PIAS2: variants seen among roughly 807,000 people sequenced by gnomAD.
PIAS2 encodes E3 SUMO-protein ligase PIAS2.
A neutral mutation model predicts 69.7 loss-of-function variants in PIAS2; 19 were observed. The observed-to-expected ratio is 0.27, with a 90% CI of 0.19 to 0.40. The LOEUF is 0.40. Among genes scored for constraint, PIAS2 ranks in the 10% least tolerant of loss-of-function variants. PIAS2 has a pLI of 1.00. For synonymous variants in PIAS2, 261 were observed against 263.2 expected, an observed-to-expected ratio of 0.99 and a Z score of 0.08; for missense variants, 624 against 757.0, an observed-to-expected ratio of 0.82 and a Z score of 2.06.
At chr18:46,855,511 C>T (rs2047606037) in intron 4 of PIAS2, 54 bp downstream of exon 4, 3 of 1,565,922 alleles carry the variant, frequency 1.9e-6, no homozygotes, top group East Asian at 2.2e-5. Flanking sequence ...TTCAGAACTA[C>T]ATGCACATAG....
intron 13 of PIAS2, among the ~76,000 whole-genome samples, chr18:46,815,027 A>G (rs1568336340): frequency 1.3e-5 from 2 of 152,324 alleles, no homozygotes; most frequent in South Asian, 4.1e-4. Flanking sequence ...GCCACCCAGC[A>G]CTGCTTCTAT....
chr18:46,854,048 C>G (rs1268583240), intron 5 of PIAS2, among the ~76,000 whole-genome samples: 3 of 152,194 alleles, frequency 2.0e-5, no homozygotes. Flanking sequence ...TTTAAAGGTT[C>G]ACAAAACAAG....
intron 2 of PIAS2, among the ~76,000 whole-genome samples, chr18:46,885,019 G>GT (rs1320545132): frequency 6.6e-6 from 1 of 152,004 alleles, no homozygotes; most frequent in African/African-American, 2.4e-5. Flanking sequence ...TTGCTAGTTT[G>GT]TTTTTAGATT....
rs890150039 is a variant in PIAS2 at position 46,888,409 on chromosome 18, G to A, written c.499+2171C>T. Among the ~76,000 whole-genome samples, 9 of 150,866 alleles carry A rather than the reference G, an allele frequency of 6.0e-5. No homozygotes were observed. In the South Asian group the frequency reaches 6.3e-4, roughly 11 times the overall value. ...TAGAAAAACTCATTCTAAAATTCAC[G>A]TGGAATCTCAAGGGCCCCAAATAGC... is the stretch of plus-strand genomic sequence containing the variant. On this transcript the variant is annotated intron_variant, in intron 2 of 13. Coordinates refer to ENST00000585916, the MANE Select transcript of PIAS2 (RefSeq NM_004671.5).
intron 8 of PIAS2, among the ~76,000 whole-genome samples, chr18:46,839,986 C>A (rs1227411107): frequency 6.6e-6 from 1 of 151,494 alleles, no homozygotes; most frequent in African/African-American, 2.4e-5. Context: ...CATGGTGAAA[C>A]CCCGTCTCTA....
At chr18:46,888,229 T>C (rs2053510682) in intron 2 of PIAS2, among the ~76,000 whole-genome samples, 1 of 152,132 alleles carries the variant, frequency 6.6e-6, no homozygotes, top group Admixed American at 6.5e-5. Context: ...ACACAGCTCA[T>C]GTTCATGTAC....
At chr18:46,879,962 T>C (rs185865585) in intron 2 of PIAS2, among the ~76,000 whole-genome samples, 41 of 152,122 alleles carry the variant, frequency 2.7e-4, no homozygotes, top group African/African-American at 8.4e-4. Context: ...TAAATGCATA[T>C]AGAGTTTCAG....
intron 8 of PIAS2, among the ~76,000 whole-genome samples, chr18:46,843,620 G>A (rs2045742355): frequency 6.6e-6 from 1 of 152,126 alleles, no homozygotes; most frequent in South Asian, 2.1e-4. Flanking sequence ...TATGTAAGGA[G>A]ATATAAAAGA....
intron 5 of PIAS2, among the ~76,000 whole-genome samples, chr18:46,852,024 A>C (rs935035414): frequency 6.6e-6 from 1 of 152,190 alleles, no homozygotes; most frequent in Non-Finnish European, 1.5e-5. Flanking sequence ...GATGCTTCTT[A>C]AAACTGGAAC....
At chr18:46,883,284 T>C (rs953304958) in intron 2 of PIAS2, among the ~76,000 whole-genome samples, 2 of 152,026 alleles carry the variant, frequency 1.3e-5, no homozygotes, top group African/African-American at 4.8e-5. Context: ...AATGAAGAAA[T>C]TAAGGAATCA....
intron 5 of PIAS2, among the ~76,000 whole-genome samples, chr18:46,847,299 G>A (rs1337220683): frequency 6.6e-6 from 1 of 152,102 alleles, no homozygotes; most frequent in African/African-American, 2.4e-5. Context: ...TTTAAAATCT[G>A]GTGAGTGATA....
rs539498379 is a variant in PIAS2 at position 46,886,470 on chromosome 18, C to T, written c.499+4110G>A. On this transcript the variant is annotated intron_variant, in intron 2 of 13. Coordinates refer to ENST00000585916, the MANE Select transcript of PIAS2 (RefSeq NM_004671.5). ...GAAATACGTTAACCAGATAAATCAA[C>T]TCTTTAAAAACAAGGCTAAAGATGA... Among the ~76,000 whole-genome samples the T allele has an allele frequency of 3.9e-5, 6 of 152,272 alleles. No individual in the cohort carries two copies. In the South Asian group the frequency reaches 1.2e-3, roughly 32 times the overall value.
chr18:46,862,334 CA>C (rs1004620845), intron 3 of PIAS2, among the ~76,000 whole-genome samples: 28 of 149,208 alleles, frequency 1.9e-4, no homozygotes, highest in African/African-American at 5.6e-4. Flanking sequence ...GACTCTGTCT[CA>C]AAAAAAAAAT....
intron 1 of PIAS2, among the ~76,000 whole-genome samples, chr18:46,895,103 A>C (rs1006198888): frequency 6.6e-5 from 10 of 151,962 alleles, no homozygotes; most frequent in Non-Finnish European, 1.2e-4. Flanking sequence ...ACCTCATCAA[A>C]CAGGTATACA....
chr18:46,862,126 T>A (rs1224417364), intron 3 of PIAS2, among the ~76,000 whole-genome samples: 2 of 151,164 alleles, frequency 1.3e-5, no homozygotes, highest in African/African-American at 4.9e-5. Flanking sequence ...AGGCCAGGAG[T>A]TCAAGACAAC....
chr18:46,803,546 A>G lies in PIAS2; in HGVS notation c.*8887T>C, dbSNP rs992245002. 3.7e-4 allele frequency: 56 copies of G among 152,106 alleles called. No individual in the cohort carries two copies. The highest frequency in any genetic ancestry group is 1.3e-3 in the African/African-American group (54 of 41,486). The allele number at this position is 152,106 out of a possible 1,614,324, so 9.4% of individuals were successfully genotyped here. A position where few individuals can be genotyped will look rare whatever the true frequency, so the allele number is the denominator to read the frequency against. On this transcript the variant is annotated 3_prime_UTR_variant, in exon 14 of 14. Transcript: ENST00000585916. ...ATAGTTTCAGTGCTACTACCCATCA[A>G]TTGGTAGGATATGTCTATAGCTTGT...
At chr18:46,897,264 C>T (rs902398362) in intron 1 of PIAS2, among the ~76,000 whole-genome samples, 1 of 152,144 alleles carries the variant, frequency 6.6e-6, no homozygotes, top group Non-Finnish European at 1.5e-5. Flanking sequence ...GGAACCCAGA[C>T]TCCTTGGGGA....
rs1317617179 is a variant in PIAS2, at chr18:46,805,707, T to C, written c.*6726A>G. The C allele has an allele frequency of 6.6e-6, 1 of 152,316 alleles. No individual in the cohort carries two copies. The highest frequency in any genetic ancestry group is 2.1e-4 in the South Asian group (1 of 4,814). 9.4% of individuals were successfully genotyped at this position (152,316 alleles called of 1,614,324 possible). On this transcript the variant is annotated 3_prime_UTR_variant, in exon 14 of 14. Transcript: ENST00000585916. ...AAGAAAAGGCTAAGATGTAGCCAAGTATGGCCTAGGAAGGGATCAGTGACT... is the reference window on the plus strand; with the variant it reads ...AAGAAAAGGCTAAGATGTAGCCAAGCATGGCCTAGGAAGGGATCAGTGACT...
chr18:46,884,878 T>G (rs140183979), intron 2 of PIAS2, among the ~76,000 whole-genome samples: 2 of 151,762 alleles, frequency 1.3e-5, no homozygotes, highest in African/African-American at 2.4e-5. Context: ...GACCGTGCCA[T>G]TGCACTCTAG....
Sources: gnomAD v4.1 joint callset for allele counts (sites outside exome capture counted in the v4.1 genomes callset) on GRCh38, gnomAD v4.1.1 for gene constraint, MANE v1.5 for transcripts, NCBI Gene and HGNC (gene_info 2026-07-23, HGNC 2026-07-21) for gene names.